The following LRP1B variants were observed in gnomAD, a reference collection of about 807,000 sequenced individuals.
LRP1B encodes the protein LDL receptor related protein 1B, also known as low-density lipoprotein receptor-related protein 1B.
LRP1B carries 217 observed loss-of-function variants against 556.6 expected under a neutral mutation model. That is an observed-to-expected ratio of 0.39 (90% confidence interval 0.35 to 0.44). LRP1B has a LOEUF of 0.44. LRP1B is among the 20% of genes least tolerant of loss of function. LRP1B has a pLI of 1.00. For synonymous variants in LRP1B, 2,047 were observed against 1,865.8 expected, an observed-to-expected ratio of 1.10 and a Z score of -2.50; for missense variants, 5,053 against 5,620.8, an observed-to-expected ratio of 0.90 and a Z score of 3.23.
At chr2:141,033,660 G>A (rs955564431) in intron 11 of LRP1B, among the ~76,000 whole-genome samples, 26 of 152,152 alleles carry the variant, frequency 1.7e-4, no homozygotes, top group African/African-American at 6.3e-4. Flanking sequence ...TGCCATGATG[G>A]AATTAGTGTC....
chr2:141,715,954 T>C (rs1263163547), intron 2 of LRP1B, among the ~76,000 whole-genome samples: 1 of 152,166 alleles, frequency 6.6e-6, no homozygotes, highest in Non-Finnish European at 1.5e-5. Flanking sequence ...TATGGGAATA[T>C]AGGGCTAACT....
In LRP1B at chr2:140,340,078, C is replaced by CT. The variant is rs200529769; in HGVS notation, c.11893-4241dup. 3.1e-4 allele frequency among the ~76,000 whole-genome samples: 46 copies of CT among 148,062 alleles called. 1 individual carries two copies. The highest frequency in any genetic ancestry group is 3.4e-3 in the Middle Eastern group (1 of 294). On this transcript the variant is annotated intron_variant, in intron 77 of 90. Coordinates refer to ENST00000389484, the MANE Select transcript of LRP1B (RefSeq NM_018557.3). ...CAATAATATATGTGATTTTGTTACT[C>CT]TTTTTTTTTTAAGCCTCTTCAGTGT...
At chr2:140,773,420 C>T (rs1486824789) in intron 33 of LRP1B, among the ~76,000 whole-genome samples, 1 of 151,792 alleles carries the variant, frequency 6.6e-6, no homozygotes, top group Non-Finnish European at 1.5e-5. Context: ...AGTGAGCTGA[C>T]ATAGTGCCAC....
At chr2:141,875,864 T>C (rs574159079) in intron 1 of LRP1B, among the ~76,000 whole-genome samples, 5 of 152,112 alleles carry the variant, frequency 3.3e-5, no homozygotes, top group African/African-American at 7.2e-5. Context: ...TGTATACTTA[T>C]ATATGTTTTT....
chr2:141,296,878 A>T (rs1350032946), intron 3 of LRP1B, among the ~76,000 whole-genome samples: 1 of 152,108 alleles, frequency 6.6e-6, no homozygotes, highest in Non-Finnish European at 1.5e-5. Flanking sequence ...CTGCTCTAGT[A>T]GTCCCTAGTG....
intron 18 of LRP1B, among the ~76,000 whole-genome samples, chr2:140,980,653 G>A (rs545724111): frequency 6.6e-6 from 1 of 152,224 alleles, no homozygotes; most frequent in African/African-American, 2.4e-5. Flanking sequence ...CATTTAAATT[G>A]AGAGGTTACC....
intron 35 of LRP1B, among the ~76,000 whole-genome samples, chr2:140,731,764 C>CA (rs36060787): frequency 0.34 from 19,903 of 59,330 alleles, 3,621 homozygotes; most frequent in East Asian, 0.58. Flanking sequence ...GAGACTCCGT[C>CA]AAAAAAAAAA....
chr2:140,405,840 A>T (rs1684709159), intron 66 of LRP1B, among the ~76,000 whole-genome samples: 1 of 152,142 alleles, frequency 6.6e-6, no homozygotes, highest in Admixed American at 6.5e-5. Context: ...TTCCTAAATC[A>T]TTCTATGAAG....
chr2:141,871,437 C>A lies in LRP1B; in HGVS notation c.83-61036G>T, dbSNP rs1234968377. ...CTTTACTGTTTTTAAATCTAATAGG[C>A]AAAAACTGTTTTCCCAATAGTAATT... is the stretch of plus-strand genomic sequence containing the variant. On this transcript the variant is annotated intron_variant, in intron 1 of 90. Transcript: ENST00000389484. 2.0e-5 allele frequency among the ~76,000 whole-genome samples: 3 copies of A among 151,982 alleles called. No individual in the cohort carries two copies. The East Asian group carries it at 5.8e-4, about 29-fold the overall frequency.
chr2:140,832,344 A>G (rs1216430886), intron 31 of LRP1B, among the ~76,000 whole-genome samples: 2 of 152,196 alleles, frequency 1.3e-5, no homozygotes, highest in African/African-American at 4.8e-5. Context: ...TATGGAAAAC[A>G]GTATGAAGAT....
At chr2:140,443,894 T>C (rs1686537454) in intron 65 of LRP1B, among the ~76,000 whole-genome samples, 2 of 152,228 alleles carry the variant, frequency 1.3e-5, no homozygotes, top group Admixed American at 1.3e-4. Context: ...AGATTTTATA[T>C]GTCTCTTCAT....
At chr2:140,749,239 A>C (rs997246491) in intron 35 of LRP1B, among the ~76,000 whole-genome samples, 1 of 152,178 alleles carries the variant, frequency 6.6e-6, no homozygotes, top group Admixed American at 6.5e-5. Context: ...AAGGTCCAGG[A>C]CATTAGTGTA....
rs369391920 is a variant in LRP1B, at chr2:140,291,318, A to ATATTTTTTTTTTT, written c.12967+6489_12967+6490insAAAAAAAAAAATA. 1.5e-3 allele frequency among the ~76,000 whole-genome samples: 167 copies of ATATTTTTTTTTTT among 109,320 alleles called. 2 individuals are homozygous for ATATTTTTTTTTTT. The highest frequency in any genetic ancestry group is 2.0e-3 in the Non-Finnish European group (101 of 50,472). 71.7% of individuals were successfully genotyped at this position (109,320 alleles called of 152,430 possible). A position where few individuals can be genotyped will look rare whatever the true frequency, so the allele number is the denominator to read the frequency against. On this transcript the variant is annotated intron_variant, in intron 84 of 90. Transcript: ENST00000389484. ...TTATTTTATATATATATATATATAT[A>ATATTTTTTTTTTT]TTTTTATTATACTTTAAGTTCTAGG...
intron 2 of LRP1B, among the ~76,000 whole-genome samples, chr2:141,714,308 A>T (rs1405580232): frequency 6.6e-6 from 1 of 152,172 alleles, no homozygotes; most frequent in Admixed American, 6.5e-5. Flanking sequence ...AGATGAGTGG[A>T]TGTATCAATG....
rs1224016397 is a variant in LRP1B, at chr2:140,424,388, T to G, written c.10414+18116A>C. Among the ~76,000 whole-genome samples, 4 of 152,320 alleles carry G rather than the reference T, an allele frequency of 2.6e-5. No individual in the cohort carries two copies. The East Asian group carries it at 7.7e-4, about 29-fold the overall frequency. ...ATACAAAAAATCCTATAAGGTCACT[T>G]GCCATGTTTAAATTTGTCTCTGGAT... On this transcript the variant is annotated intron_variant, in intron 66 of 90. Coordinates refer to ENST00000389484, the MANE Select transcript of LRP1B (RefSeq NM_018557.3).
chr2:140,438,850 G>A (rs930298482), intron 66 of LRP1B, among the ~76,000 whole-genome samples: 5 of 152,132 alleles, frequency 3.3e-5, no homozygotes, highest in Non-Finnish European at 5.9e-5. Context: ...AAAGCAAGAC[G>A]ACAGAGAGGA....
intron 45 of LRP1B, 131 bp downstream of exon 45, chr2:140,540,840 CAG>C (rs1262198491): frequency 9.8e-7 from 1 of 1,025,076 alleles, no homozygotes; most frequent in Non-Finnish European, 1.4e-6. Flanking sequence ...TTCTTTAGAG[CAG>C]AGAGATAACA....
intron 35 of LRP1B, among the ~76,000 whole-genome samples, chr2:140,736,275 G>A (rs961966575): frequency 3.3e-5 from 5 of 152,070 alleles, no homozygotes; most frequent in African/African-American, 1.2e-4. Flanking sequence ...GTTGCAGTAG[G>A]GGAATCAGCA....
chr2:140,708,308 T>G (rs1686912256), intron 37 of LRP1B, among the ~76,000 whole-genome samples: 1 of 151,966 alleles, frequency 6.6e-6, no homozygotes, highest in South Asian at 2.1e-4. Context: ...TTGTTCTTTC[T>G]GTTTAAGCTT....
Sources: gnomAD v4.1 joint callset for allele counts (sites outside exome capture counted in the v4.1 genomes callset) on GRCh38, gnomAD v4.1.1 for gene constraint, MANE v1.5 for transcripts, NCBI Gene and HGNC (gene_info 2026-07-23, HGNC 2026-07-21) for gene names.